Variants in TWIST2 observed in about 807,000 individuals in gnomAD.
TWIST2 encodes twist-related protein 2.
A neutral mutation model predicts 11.6 loss-of-function variants in TWIST2; 1 was observed. That is an observed-to-expected ratio of 0.09 (90% CI 0.03 to 0.41). TWIST2 has a LOEUF of 0.41. Ranked by LOEUF, TWIST2 falls within the 10% of genes least tolerant of loss-of-function variation. The pLI is 0.98. For synonymous variants in TWIST2, 87 were observed against 96.6 expected, an observed-to-expected ratio of 0.90 and a Z score of 0.58; for missense variants, 168 against 226.4, an observed-to-expected ratio of 0.74 and a Z score of 1.66.
intron 1 of TWIST2, among the ~76,000 whole-genome samples, chr2:238,909,105 G>GTA (rs1693409082): frequency 8.5e-6 from 1 of 118,272 alleles, no homozygotes; most frequent in Non-Finnish European, 1.8e-5. Context: ...TATGTTTGGT[G>GTA]TGTGTGTATG....
chr2:238,856,846 C>T (rs1692339074), intron 1 of TWIST2, among the ~76,000 whole-genome samples: 1 of 152,206 alleles, frequency 6.6e-6, no homozygotes, highest in Non-Finnish European at 1.5e-5. Context: ...CCCCTCCACA[C>T]TGCTGCAATA....
chr2:238,900,589 T>C (rs1400147349), intron 1 of TWIST2, among the ~76,000 whole-genome samples: 6 of 152,214 alleles, frequency 3.9e-5, no homozygotes, highest in Admixed American at 1.3e-4. Context: ...TGCTGAGCGG[T>C]GCACATTCTG....
In TWIST2 at chr2:238,905,952, TGTGTAC is replaced by T. The variant is rs1559285531; in HGVS notation, c.*36-3885_*36-3880del. Among the ~76,000 whole-genome samples, 109 of 114,560 alleles carry T rather than the reference TGTGTAC, an allele frequency of 9.5e-4. 1 individual carries two copies. Among genetic ancestry groups the T allele is most frequent in the East Asian group, 5.9e-3 (26 of 4,386 alleles). The allele number at this position is 114,560 out of a possible 152,430, so 75.2% of individuals were successfully genotyped here. ...GTGTGCGCGTGTGTGTGCGCGCGCGTGTGTACGTGTGCGTGTGTGTGCGCGCGCGTG... is the reference window on the plus strand; with the variant it reads ...GTGTGCGCGTGTGTGTGCGCGCGCGTGTGTGCGTGTGTGTGCGCGCGCGTG... On this transcript the variant is annotated intron_variant, in intron 1 of 1. Coordinates refer to ENST00000612363, the MANE Select transcript of TWIST2 (RefSeq NM_001271893.4).
At position 238,863,203 on chromosome 2, in the gene TWIST2, T is replaced by C. The variant is rs1692465051; in HGVS notation, c.*35+14470T>C. Among the ~76,000 whole-genome samples, 1 of 152,130 alleles carries C rather than the reference T, an allele frequency of 6.6e-6. No homozygotes were observed. The highest frequency in any genetic ancestry group is 2.1e-4 in the South Asian group (1 of 4,818). On this transcript the variant is annotated intron_variant, in intron 1 of 1. Transcript: ENST00000612363. This position sits in a 1 kb window ranked among gnomAD's most constrained non-coding sequence, Gnocchi z 4.7. ...AGGGCAACTACTCCCAGTCCCATCA[T>C]AAGGTGGTGCAGTGAAAATACAGCT...
chr2:238,870,392 C>A (rs377610589), intron 1 of TWIST2, among the ~76,000 whole-genome samples: 252 of 14,938 alleles, frequency 0.017, 1 homozygote, highest in Middle Eastern at 0.12. Flanking sequence ...CCCCACACAC[C>A]CCACACACAC....
intron 1 of TWIST2, among the ~76,000 whole-genome samples, chr2:238,888,635 T>G (rs1693081001): frequency 6.6e-6 from 1 of 152,164 alleles, no homozygotes; most frequent in South Asian, 2.1e-4. Context: ...GGAAGGATGA[T>G]TCCCACGTAA....
intron 1 of TWIST2, among the ~76,000 whole-genome samples, chr2:238,858,877 A>G (rs1692377285): frequency 6.6e-6 from 1 of 152,240 alleles, no homozygotes; most frequent in African/African-American, 2.4e-5. Flanking sequence ...GAGGATCAGT[A>G]AAACGTAGCC....
At chr2:238,855,680 G>A (rs900954182) in intron 1 of TWIST2, among the ~76,000 whole-genome samples, 4 of 152,232 alleles carry the variant, frequency 2.6e-5, no homozygotes, top group Non-Finnish European at 2.9e-5. Flanking sequence ...ACTGAAGTCC[G>A]CTTGAGGTTT....
intron 1 of TWIST2, among the ~76,000 whole-genome samples, chr2:238,892,569 CT>C (rs1693157506): frequency 6.6e-6 from 1 of 152,192 alleles, no homozygotes. Flanking sequence ...CAACCTCCGC[CT>C]CCCAGATTCA....
chr2:238,870,479 CA>C (rs1692652304), intron 1 of TWIST2, among the ~76,000 whole-genome samples: 1 of 119,564 alleles, frequency 8.4e-6, no homozygotes, highest in Non-Finnish European at 1.8e-5. Flanking sequence ...ACACACGCCA[CA>C]CACACACCAC....
chr2:238,873,360 G>A (rs1044682844), intron 1 of TWIST2, among the ~76,000 whole-genome samples: 1 of 152,146 alleles, frequency 6.6e-6, no homozygotes, highest in African/African-American at 2.4e-5. Context: ...CTGACCATGG[G>A]TGCTGAGAAG....
chr2:238,869,263 C>T (rs964621273), intron 1 of TWIST2, among the ~76,000 whole-genome samples: 18 of 152,204 alleles, frequency 1.2e-4, no homozygotes, highest in African/African-American at 3.6e-4. Flanking sequence ...TTTACTGCCA[C>T]GGAGATGGAA....
chr2:238,875,986 T>C (rs1006163800), intron 1 of TWIST2, among the ~76,000 whole-genome samples: 1 of 151,862 alleles, frequency 6.6e-6, no homozygotes, highest in Non-Finnish European at 1.5e-5. Flanking sequence ...GCAGGGAGGG[T>C]GGGGGACCCC....
intron 1 of TWIST2, among the ~76,000 whole-genome samples, chr2:238,888,019 C>G (rs1242613086): frequency 6.6e-6 from 1 of 152,154 alleles, no homozygotes; most frequent in Admixed American, 6.6e-5. Context: ...AACGGGTGGG[C>G]CATTTAAAAT....
At chr2:238,909,804 G>T (rs1329175740) in intron 1 of TWIST2, 38 bp from the exon 2 acceptor site, 1 of 152,230 alleles carries the variant, frequency 6.6e-6, no homozygotes, top group Non-Finnish European at 1.5e-5. Flanking sequence ...GCCGAGCGAG[G>T]CGGCCGTAGC....
rs1692564827 is a variant in TWIST2, at chr2:238,867,494, A to T, written c.*35+18761A>T. 6.6e-6 allele frequency among the ~76,000 whole-genome samples: 1 copy of T among 151,822 alleles called. No individual in the cohort carries two copies. The highest frequency in any genetic ancestry group is 1.5e-5 in the Non-Finnish European group (1 of 67,968). ...GGCACAATAAAGAGAAGTCCCAGCC[A>T]GCTCCCGGGGTGGTGTGGGCTGAGG... On this transcript the variant is annotated intron_variant, in intron 1 of 1. Coordinates refer to ENST00000612363, the MANE Select transcript of TWIST2 (RefSeq NM_001271893.4). This position sits in a 1 kb window ranked among gnomAD's most constrained non-coding sequence, Gnocchi z 4.8.
At chr2:238,861,407 G>C (rs1320599570) in intron 1 of TWIST2, among the ~76,000 whole-genome samples, 1 of 152,144 alleles carries the variant, frequency 6.6e-6, no homozygotes, top group East Asian at 1.9e-4. Flanking sequence ...GTATGCCTGG[G>C]GGGACACTGG....
intron 1 of TWIST2, among the ~76,000 whole-genome samples, chr2:238,849,031 G>C (rs1162336220): frequency 6.6e-6 from 1 of 151,942 alleles, no homozygotes; most frequent in Non-Finnish European, 1.5e-5. Flanking sequence ...ATTCTCGGTG[G>C]TGTGTGGGTG....
chr2:238,867,594 G>A lies in TWIST2; in HGVS notation c.*35+18861G>A, dbSNP rs1186054063. Among the ~76,000 whole-genome samples the A allele has an allele frequency of 6.6e-6, 1 of 152,130 alleles. No individual in the cohort carries two copies. Among genetic ancestry groups the A allele is most frequent in the Admixed American group, 6.5e-5 (1 of 15,276 alleles). On this transcript the variant is annotated intron_variant, in intron 1 of 1. Coordinates refer to ENST00000612363, the MANE Select transcript of TWIST2 (RefSeq NM_001271893.4). This position sits in a 1 kb window ranked among gnomAD's most constrained non-coding sequence, Gnocchi z 4.8. ...AAAGAATATTTTCACTTTGGCACAGGCCTGGCACGGAGGAGCTGTCAGCAA... is the reference window on the plus strand; with the variant it reads ...AAAGAATATTTTCACTTTGGCACAGACCTGGCACGGAGGAGCTGTCAGCAA...
Sources: gnomAD v4.1 joint callset for allele counts (sites outside exome capture counted in the v4.1 genomes callset) on GRCh38, gnomAD v4.1.1 for gene constraint, Gnocchi (gnomAD v3.1) non-coding constraint, MANE v1.5 for transcripts, NCBI Gene and HGNC (gene_info 2026-07-23, HGNC 2026-07-21) for gene names.